DPP6: variants seen among roughly 807,000 people sequenced by gnomAD.
DPP6 encodes dipeptidyl peptidase like 6.
Under a neutral mutation model 122.6 loss-of-function variants are expected in DPP6, and 69 were observed. That is an observed-to-expected ratio of 0.56 (90% CI 0.46 to 0.69). DPP6 has a LOEUF of 0.69. Ranked by LOEUF, DPP6 falls within the 30% of genes least tolerant of loss-of-function variation. The pLI, the probability that DPP6 is intolerant of heterozygous loss-of-function variation, is 0.00. For synonymous variants in DPP6, 418 were observed against 433.1 expected (o/e 0.97, Z 0.43); for missense variants, 928 against 1,116.9 (o/e 0.83, Z 2.41).
At chr7:154,640,275 G>A (rs200057508) in intron 6 of DPP6, among the ~76,000 whole-genome samples, 4 of 127,358 alleles carry the variant, frequency 3.1e-5, no homozygotes, top group East Asian at 4.9e-4. Context: ...ACAACAATTG[G>A]GATTAATTCA....
intron 1 of DPP6, among the ~76,000 whole-genome samples, chr7:154,338,853 A>G (rs1200970565): frequency 2.6e-5 from 4 of 152,230 alleles, no homozygotes; most frequent in Middle Eastern, 3.4e-3. Flanking sequence ...CTGAAAGAAG[A>G]TGTTGGAACC....
chr7:154,021,305 A>C (rs1798686956), intron 1 of DPP6, among the ~76,000 whole-genome samples: 1 of 152,204 alleles, frequency 6.6e-6, no homozygotes. Context: ...ACAGGAAGTC[A>C]CAAAATGGGC....
At chr7:154,610,085 A>G (rs968050917) in intron 5 of DPP6, among the ~76,000 whole-genome samples, 14 of 152,188 alleles carry the variant, frequency 9.2e-5, no homozygotes, top group Admixed American at 6.5e-4. Flanking sequence ...GGTATGTTCT[A>G]TGAAACAAAA....
Position 154,070,958 on chromosome 7 carries a change from G to A in DPP6, c.243+17895G>A, listed in dbSNP as rs189108178. On this transcript the variant is annotated intron_variant, in intron 1 of 25. Coordinates refer to ENST00000377770, the MANE Select transcript of DPP6 (RefSeq NM_130797.4). Reference sequence around the variant, plus strand: ...GAGATACATCAGTGTTATTGAGCAGGAACGCTTGAATATAAAACCAATCAA... The same window carrying A: ...GAGATACATCAGTGTTATTGAGCAGAAACGCTTGAATATAAAACCAATCAA... Among the ~76,000 whole-genome samples the A allele has an allele frequency of 4.6e-5, 7 of 152,272 alleles. No homozygotes were observed. The East Asian group carries it at 1.4e-3, about 29-fold the overall frequency.
intron 1 of DPP6, among the ~76,000 whole-genome samples, chr7:153,961,841 C>T (rs558317043): frequency 1.1e-4 from 12 of 108,148 alleles, no homozygotes; most frequent in Middle Eastern, 7.7e-3. Flanking sequence ...CTATGAGGAT[C>T]TGATGCTGCA....
rs1826246369 is a variant in DPP6 at position 154,513,534 on chromosome 7, T to A, written c.458-26998T>A. Among the ~76,000 whole-genome samples, 3 of 152,220 alleles carry A rather than the reference T, an allele frequency of 2.0e-5. No individual in the cohort carries two copies. The South Asian group carries it at 6.2e-4, about 32-fold the overall frequency. ...CCTACATCCCTCCTTCATGGGGGAA[T>A]GTAAGTGTGGATTGACCCAAAGCAG... On this transcript the variant is annotated intron_variant, in intron 3 of 25. Transcript: ENST00000377770.
At chr7:153,939,716 C>G (rs919663819) in intron 1 of DPP6, among the ~76,000 whole-genome samples, 2 of 152,190 alleles carry the variant, frequency 1.3e-5, no homozygotes, top group African/African-American at 4.8e-5. Context: ...ACTCCATGCT[C>G]TCATATGAAA....
At chr7:154,647,421 G>A (rs888372204) in intron 6 of DPP6, among the ~76,000 whole-genome samples, 1 of 152,190 alleles carries the variant, frequency 6.6e-6, no homozygotes, top group African/African-American at 2.4e-5. Context: ...GGAGAAATAA[G>A]GGTAGATCTC....
At chr7:153,886,112 TACACACACACACACACACACAC>T (rs60245538), upstream of DPP6, among the ~76,000 whole-genome samples, 24 of 140,414 alleles carry the variant, frequency 1.7e-4, no homozygotes, top group South Asian at 2.6e-3. Context: ...GGCACGCCCT[TACACACACACACACACACACAC>T]ACACACACAC....
rs888597573 is a variant in DPP6, at chr7:154,282,568, G to A, written c.244-163646G>A. The stretch of plus-strand genomic sequence containing the variant: ...TAGACTCAATGGTGGGAAGGGGATG[G>A]GATGCAGCCCAGGGCCTCCCTGCCC... On this transcript the variant is annotated intron_variant, in intron 1 of 25. Transcript: ENST00000377770. This position sits in a 1 kb window ranked among gnomAD's most constrained non-coding sequence, Gnocchi z 4.8. Among the ~76,000 whole-genome samples, 1 of 152,152 alleles carries A rather than the reference G, an allele frequency of 6.6e-6. No homozygotes were observed. The highest frequency in any genetic ancestry group is 2.4e-5 in the African/African-American group (1 of 41,434).
intron 5 of DPP6, among the ~76,000 whole-genome samples, chr7:154,621,556 A>T (rs868864563): frequency 1.7e-4 from 24 of 143,848 alleles, no homozygotes; most frequent in African/African-American, 6.3e-4. Context: ...TTTAGTAGAG[A>T]CGGTTTCGCC....
At chr7:154,244,341 A>G (rs917277094) in intron 1 of DPP6, among the ~76,000 whole-genome samples, 1 of 152,188 alleles carries the variant, frequency 6.6e-6, no homozygotes, top group Non-Finnish European at 1.5e-5. Flanking sequence ...CAGATAAGTG[A>G]AAAACAATAA....
intron 1 of DPP6, among the ~76,000 whole-genome samples, chr7:154,261,220 C>T (rs1036579231): frequency 1.1e-4 from 17 of 152,282 alleles, no homozygotes; most frequent in Non-Finnish European, 2.2e-4. Flanking sequence ...TAAGGAATCT[C>T]CACACTGTTT....
At chr7:154,686,695 C>T (rs1209772284) in intron 7 of DPP6, among the ~76,000 whole-genome samples, 1 of 152,138 alleles carries the variant, frequency 6.6e-6, no homozygotes, top group Non-Finnish European at 1.5e-5. Context: ...TGTGCAGAGC[C>T]CTTTCAGAGC....
At position 154,880,924 on chromosome 7, in the gene DPP6, C is replaced by T. The variant is rs367546797; in HGVS notation, c.2115C>T (p.Arg705=). The stretch of plus-strand genomic sequence containing the variant: ...AGGAGCAGTACATTGACAGGACGCG[C>T]GTGGCCGTGTTTGGGAAGGTGAGTC... ...MLKEQYIDRT[R]VAVFGKDYGG... The change falls in exon 21 of 26, where the codon CGC becomes CGT. Residue 705 remains arginine (R), a synonymous_variant. Coordinates refer to ENST00000377770, the MANE Select transcript of DPP6 (RefSeq NM_130797.4). 49 of 1,613,968 alleles carry T rather than the reference C, an allele frequency of 3.0e-5. No homozygotes were observed. Among genetic ancestry groups the T allele is most frequent in the East Asian group, 2.9e-4 (13 of 44,864 alleles).
At chr7:154,324,777 G>T (rs188914391) in intron 1 of DPP6, among the ~76,000 whole-genome samples, 6 of 152,040 alleles carry the variant, frequency 3.9e-5, no homozygotes, top group Non-Finnish European at 8.8e-5. Flanking sequence ...TCATGGCCTG[G>T]TGTTTATGTG....
intron 18 of DPP6, among the ~76,000 whole-genome samples, chr7:154,869,074 T>C (rs936969315): frequency 1.3e-5 from 2 of 152,188 alleles, no homozygotes; most frequent in Non-Finnish European, 2.9e-5. Context: ...AAGGGAAGGT[T>C]TCCAGAGCTC....
chr7:154,582,888 C>T (rs1832169166), intron 5 of DPP6, among the ~76,000 whole-genome samples: 1 of 152,146 alleles, frequency 6.6e-6, no homozygotes, highest in Non-Finnish European at 1.5e-5. Flanking sequence ...TGAGTGTCTT[C>T]CCCATGTTAT....
At position 154,821,631 on chromosome 7, in the gene DPP6, TATATATATATATATACAC is replaced by T. The variant is rs1275086742; in HGVS notation, c.1666+14549_1666+14566del. On this transcript the variant is annotated intron_variant, in intron 16 of 25. Transcript: ENST00000377770. This position sits in a 1 kb window ranked among gnomAD's most constrained non-coding sequence, Gnocchi z 4.2. ...TATATATATATATTTTTTTTCTGTATATATATATATATATACACATATATATATATATACACATATATA... is the reference window on the plus strand; with the variant it reads ...TATATATATATATTTTTTTTCTGTATATATATATATATATACACATATATA... Among the ~76,000 whole-genome samples the T allele has an allele frequency of 3.5e-3, 325 of 92,758 alleles. 5 individuals are homozygous for T. Among genetic ancestry groups the T allele is most frequent in the African/African-American group, 0.014 (242 of 16,996 alleles). 60.9% of individuals were successfully genotyped at this position (92,758 alleles called of 152,430 possible).
Sources: gnomAD v4.1 joint callset for allele counts (sites outside exome capture counted in the v4.1 genomes callset) on GRCh38, gnomAD v4.1.1 for gene constraint, Gnocchi (gnomAD v3.1) non-coding constraint, MANE v1.5 for transcripts, NCBI Gene and HGNC (gene_info 2026-07-23, HGNC 2026-07-21) for gene names.